The following PTPRD variants were observed in gnomAD, a reference collection of about 807,000 sequenced individuals.
PTPRD encodes the protein protein tyrosine phosphatase receptor type D.
Under a neutral mutation model 214.5 loss-of-function variants are expected in PTPRD, and 34 were observed. That is an observed-to-expected ratio of 0.16 (90% CI 0.12 to 0.21). The LOEUF (loss-of-function observed/expected upper bound fraction) is 0.21. Ranked by LOEUF, PTPRD falls within the 10% of genes least tolerant of loss-of-function variation. PTPRD has a pLI of 1.00. For missense variants in PTPRD, 2,545 were observed against 2,398.7 expected (o/e 1.06, Z -1.27); for synonymous variants, 1,128 against 845.7 (o/e 1.33, Z -5.79).
chr9:9,338,418 G>A (rs1008834621), intron 9 of PTPRD, among the ~76,000 whole-genome samples: 9 of 152,176 alleles, frequency 5.9e-5, no homozygotes, highest in East Asian at 3.9e-4. Flanking sequence ...AATACTGAAC[G>A]AAACTATTTT....
chr9:9,155,921 T>C lies in PTPRD; in HGVS notation c.-143+27383A>G, dbSNP rs12351650. On this transcript the variant is annotated intron_variant, in intron 10 of 45. Coordinates refer to ENST00000381196, the MANE Select transcript of PTPRD (RefSeq NM_002839.4). ...ATTTCCCTGGAGCCTGCTTTATTTC[T>C]TTCCTGCTTTAGCTTCCTTGAACAG... Among the ~76,000 whole-genome samples the C allele has an allele frequency of 2.6e-3, 394 of 152,278 alleles. 1 individual carries two copies. The highest frequency in any genetic ancestry group is 9.0e-3 in the African/African-American group (373 of 41,568).
chr9:8,682,778 T>C (rs1172090218), intron 12 of PTPRD, among the ~76,000 whole-genome samples: 2 of 152,340 alleles, frequency 1.3e-5, no homozygotes, highest in South Asian at 2.1e-4. Context: ...ATTACATGTT[T>C]TCTTCCCACT....
intron 4 of PTPRD, among the ~76,000 whole-genome samples, chr9:10,018,086 T>C (rs141745041): frequency 4.6e-5 from 7 of 152,072 alleles, no homozygotes; most frequent in Non-Finnish European, 8.8e-5. Flanking sequence ...ATTTCATTAC[T>C]AGATTATTAG....
intron 14 of PTPRD, among the ~76,000 whole-genome samples, chr9:8,592,585 T>C (rs534032251): frequency 2.1e-4 from 32 of 152,244 alleles, no homozygotes; most frequent in African/African-American, 7.2e-4. Context: ...GTCCTGATTC[T>C]ACAGTTCTTT....
intron 11 of PTPRD, among the ~76,000 whole-genome samples, chr9:8,749,551 A>T (rs1565774705): frequency 6.6e-6 from 1 of 152,160 alleles, no homozygotes; most frequent in African/African-American, 2.4e-5. Flanking sequence ...ATATTTTACT[A>T]GTCTGTCCAC....
intron 2 of PTPRD, among the ~76,000 whole-genome samples, chr9:10,538,157 AT>A (rs1202305507): frequency 2.0e-5 from 3 of 151,962 alleles, no homozygotes; most frequent in Non-Finnish European, 4.4e-5. Context: ...CTGTGTTCAA[AT>A]AAATGGGAGG....
At chr9:8,681,417 C>G (rs890030087) in intron 12 of PTPRD, among the ~76,000 whole-genome samples, 2 of 152,126 alleles carry the variant, frequency 1.3e-5, no homozygotes, top group African/African-American at 4.8e-5. Context: ...TATTTTGGAA[C>G]AGGCTAGTTT....
chr9:10,123,244 G>C (rs1563958425), intron 3 of PTPRD, among the ~76,000 whole-genome samples: 1 of 152,090 alleles, frequency 6.6e-6, no homozygotes, highest in African/African-American at 2.4e-5. Context: ...TTTGCCTCTG[G>C]GATTTGGCCA....
At chr9:10,386,100 G>A (rs560658001) in intron 2 of PTPRD, among the ~76,000 whole-genome samples, 6 of 151,642 alleles carry the variant, frequency 4.0e-5, no homozygotes, top group Admixed American at 4.0e-4. Context: ...TCTTTACTTA[G>A]CAAGTGGATT....
intron 8 of PTPRD, among the ~76,000 whole-genome samples, chr9:9,524,090 G>A (rs780885610): frequency 6.6e-6 from 1 of 152,120 alleles, no homozygotes; most frequent in Non-Finnish European, 1.5e-5. Flanking sequence ...TGGGGAAGGT[G>A]TACTGTATGT....
At chr9:10,443,711 G>T (rs2098777666) in intron 2 of PTPRD, among the ~76,000 whole-genome samples, 1 of 150,870 alleles carries the variant, frequency 6.6e-6, no homozygotes, top group African/African-American at 2.4e-5. Context: ...CTTTCCCTTA[G>T]GAATTCTCCT....
intron 5 of PTPRD, among the ~76,000 whole-genome samples, chr9:9,896,767 G>C (rs1229772677): frequency 6.6e-6 from 1 of 151,940 alleles, no homozygotes; most frequent in South Asian, 2.1e-4. Context: ...TATCATAATT[G>C]AGTACATTTT....
chr9:9,396,740 T>C (rs2067986039), intron 9 of PTPRD, among the ~76,000 whole-genome samples: 1 of 151,990 alleles, frequency 6.6e-6, no homozygotes, highest in South Asian at 2.1e-4. Flanking sequence ...CAACACTTTC[T>C]CTCAATCTGC....
chr9:9,427,923 G>A (rs113341475), intron 8 of PTPRD, among the ~76,000 whole-genome samples: 9,431 of 152,150 alleles, frequency 0.062, 328 homozygotes, highest in Middle Eastern at 0.17. Flanking sequence ...CACTAAACGT[G>A]GAAAGGAACA....
intron 11 of PTPRD, among the ~76,000 whole-genome samples, chr9:8,916,288 G>A (rs776624749): frequency 2.0e-5 from 3 of 152,066 alleles, no homozygotes; most frequent in Non-Finnish European, 4.4e-5. Context: ...GAGAGAGAGA[G>A]AAGTCCTAAA....
intron 10 of PTPRD, among the ~76,000 whole-genome samples, chr9:9,070,627 A>G (rs1034768815): frequency 2.0e-5 from 3 of 152,210 alleles, no homozygotes; most frequent in African/African-American, 7.2e-5. Context: ...TAAAAGCAAT[A>G]AGCACTTTTA....
intron 2 of PTPRD, among the ~76,000 whole-genome samples, chr9:10,587,307 C>T (rs939726309): frequency 6.6e-6 from 1 of 151,998 alleles, no homozygotes; most frequent in Non-Finnish European, 1.5e-5. Context: ...ACAAAACTAT[C>T]GTCTGGATAA....
intron 11 of PTPRD, among the ~76,000 whole-genome samples, chr9:8,737,095 G>A (rs1000453521): frequency 1.2e-4 from 18 of 152,190 alleles, no homozygotes; most frequent in Non-Finnish European, 1.5e-5. Context: ...CTCACTCAGG[G>A]AAGAAGTGAT....
intron 21 of PTPRD, among the ~76,000 whole-genome samples, chr9:8,512,399 C>A (rs548427390): frequency 6.6e-4 from 100 of 152,116 alleles, no homozygotes; most frequent in South Asian, 5.0e-3. Context: ...TGCTCCTTTA[C>A]TCATTGCTAA....
Sources: gnomAD v4.1 joint callset for allele counts (sites outside exome capture counted in the v4.1 genomes callset) on GRCh38, gnomAD v4.1.1 for gene constraint, MANE v1.5 for transcripts, NCBI Gene and HGNC (gene_info 2026-07-23, HGNC 2026-07-21) for gene names.